Variants in RBPMS observed in about 807,000 individuals in gnomAD.
The protein encoded by RBPMS is RNA-binding protein with multiple splicing.
Under a neutral mutation model 26.8 loss-of-function variants are expected in RBPMS, and 7 were observed. That is an observed-to-expected ratio of 0.26 (90% CI 0.15 to 0.49). The LOEUF is 0.49. Among genes scored for constraint, RBPMS ranks in the 20% least tolerant of loss-of-function variants. RBPMS has a pLI of 0.98. For missense variants in RBPMS, 186 were observed against 250.0 expected (o/e 0.74, Z 1.73); for synonymous variants, 96 against 93.3 (o/e 1.03, Z -0.17).
At position 30,551,198 on chromosome 8, in the gene RBPMS, T is replaced by C. The variant is rs530398303; in HGVS notation, c.528+6574T>C. On this transcript the variant is annotated intron_variant, in intron 6 of 8. Coordinates refer to ENST00000397323, the MANE Select transcript of RBPMS (RefSeq NM_001008710.3). ...ATTTGCAGTGAGAGAGACATCAGCA[T>C]TTTGTCCTTCACCCTCTTTAGAAGC... Among the ~76,000 whole-genome samples, 6 of 152,312 alleles carry C rather than the reference T, an allele frequency of 3.9e-5. No homozygotes were observed. In the South Asian group the frequency reaches 1.2e-3, roughly 32 times the overall value.
chr8:30,560,109 C>T (rs1827323591), intron 7 of RBPMS, among the ~76,000 whole-genome samples: 1 of 152,146 alleles, frequency 6.6e-6, no homozygotes, highest in Non-Finnish European at 1.5e-5. Context: ...CAGTGCCTGT[C>T]AGTGAAGAAG....
At chr8:30,489,971 C>T (rs909714622) in intron 4 of RBPMS, among the ~76,000 whole-genome samples, 8 of 151,916 alleles carry the variant, frequency 5.3e-5, no homozygotes, top group South Asian at 2.1e-4. Flanking sequence ...CCACCACGCC[C>T]GGCTAATTTT....
chr8:30,544,846 AC>A, intron 6 of RBPMS: 27 of 1,522,022 alleles, frequency 1.8e-5, no homozygotes, highest in Non-Finnish European at 2.2e-5. Flanking sequence ...CCCAAATGAC[AC>A]CTCTCTCTTC....
At chr8:30,409,329 G>A (rs1809018635) in intron 1 of RBPMS, among the ~76,000 whole-genome samples, 1 of 152,050 alleles carries the variant, frequency 6.6e-6, no homozygotes, top group African/African-American at 2.4e-5. Context: ...AAGTAGCTGG[G>A]ATTACAGGTG....
At chr8:30,532,979 A>G (rs1824394344) in intron 5 of RBPMS, among the ~76,000 whole-genome samples, 1 of 152,236 alleles carries the variant, frequency 6.6e-6, no homozygotes, top group Non-Finnish European at 1.5e-5. Flanking sequence ...ATACTCAACC[A>G]GAGTTTGCCT....
Position 30,394,059 on chromosome 8 carries a change from G to A in RBPMS, c.66+8901G>A, listed in dbSNP as rs530010543. 1.3e-4 allele frequency among the ~76,000 whole-genome samples: 5 copies of A among 39,554 alleles called. No homozygotes were observed. The South Asian group carries it at 2.5e-3, about 20-fold the overall frequency. 25.9% of individuals were successfully genotyped at this position (39,554 alleles called of 152,430 possible). ...CCGAGAAGATGGATTCACATTCCAGGTTGTAATACAGTATTGTTACACAAA... is the reference window on the plus strand; with the variant it reads ...CCGAGAAGATGGATTCACATTCCAGATTGTAATACAGTATTGTTACACAAA... On this transcript the variant is annotated intron_variant, in intron 1 of 8. Transcript: ENST00000397323.
intron 1 of RBPMS, among the ~76,000 whole-genome samples, chr8:30,472,595 C>T (rs1817249057): frequency 6.6e-6 from 1 of 152,182 alleles, no homozygotes; most frequent in Non-Finnish European, 1.5e-5. Context: ...CTCAATAAAG[C>T]TGTTTATAAA....
chr8:30,434,227 A>G (rs1473001398), intron 1 of RBPMS, among the ~76,000 whole-genome samples: 1 of 152,172 alleles, frequency 6.6e-6, no homozygotes, highest in Admixed American at 6.5e-5. Flanking sequence ...TCTCTAAGCA[A>G]CCTTCAAACT....
At chr8:30,468,280 C>T (rs1398177082) in intron 1 of RBPMS, among the ~76,000 whole-genome samples, 1 of 152,070 alleles carries the variant, frequency 6.6e-6, no homozygotes, top group East Asian at 1.9e-4. Context: ...TTCCTGGTAA[C>T]CATATATTGA....
chr8:30,412,000 A>C (rs559680116), intron 1 of RBPMS, among the ~76,000 whole-genome samples: 2 of 141,412 alleles, frequency 1.4e-5, no homozygotes, highest in Non-Finnish European at 3.3e-5. Flanking sequence ...AAAAAAAAAA[A>C]ACAAAAACAA....
chr8:30,551,868 C>T (rs556371537), intron 6 of RBPMS, among the ~76,000 whole-genome samples: 69 of 152,320 alleles, frequency 4.5e-4, no homozygotes, highest in African/African-American at 1.6e-3. Flanking sequence ...GTTTCCTCAT[C>T]TATAAATGGG....
chr8:30,501,605 A>G (rs1469700915), intron 4 of RBPMS, among the ~76,000 whole-genome samples: 1 of 152,186 alleles, frequency 6.6e-6, no homozygotes, highest in Non-Finnish European at 1.5e-5. Context: ...ATTCAAATTA[A>G]TATACTAATA....
rs981563069 is a variant in RBPMS, at chr8:30,443,513, G to T, written c.67-31266G>T. Among the ~76,000 whole-genome samples, 5 of 152,128 alleles carry T rather than the reference G, an allele frequency of 3.3e-5. No individual in the cohort carries two copies. In the East Asian group the frequency reaches 9.6e-4, roughly 29 times the overall value. On this transcript the variant is annotated intron_variant, in intron 1 of 8. Coordinates refer to ENST00000397323, the MANE Select transcript of RBPMS (RefSeq NM_001008710.3). Reference sequence around the variant, plus strand: ...CCTATCTTGTAGGGTTGTGGTAGGGGGAATTGGGTAGATACAGGTTTACAG... The same window carrying T: ...CCTATCTTGTAGGGTTGTGGTAGGGTGAATTGGGTAGATACAGGTTTACAG...
At chr8:30,505,046 C>T (rs1820945869) in intron 5 of RBPMS, among the ~76,000 whole-genome samples, 1 of 152,232 alleles carries the variant, frequency 6.6e-6, no homozygotes, top group African/African-American at 2.4e-5. Context: ...AAGACGTCTT[C>T]TACCCCACAT....
chr8:30,477,688 G>T, intron 2 of RBPMS, 111 bp from the exon 3 acceptor site: 1 of 733,724 alleles, frequency 1.4e-6, no homozygotes, highest in Non-Finnish European at 2.4e-6. Flanking sequence ...AGATAACTTA[G>T]GAGACATTTG....
intron 1 of RBPMS, among the ~76,000 whole-genome samples, chr8:30,441,168 T>C (rs1813033793): frequency 6.6e-6 from 1 of 152,146 alleles, no homozygotes; most frequent in African/African-American, 2.4e-5. Context: ...ATATTAACCG[T>C]AATGATGAAA....
intron 7 of RBPMS, chr8:30,565,228 G>C (rs577521702): frequency 2.0e-5 from 3 of 152,226 alleles, no homozygotes; most frequent in Admixed American, 6.5e-5. Flanking sequence ...TCTGAGGAGA[G>C]AGATGTCCTA....
In RBPMS at chr8:30,412,952, G is replaced by A. The variant is rs185860575; in HGVS notation, c.66+27794G>A. ...TATCATAGGCCTTTTGAGCTGGAAGGTCACCCAAGAACCGTATTTGTTTAA... is the reference window on the plus strand; with the variant it reads ...TATCATAGGCCTTTTGAGCTGGAAGATCACCCAAGAACCGTATTTGTTTAA... On this transcript the variant is annotated intron_variant, in intron 1 of 8. Transcript: ENST00000397323. 7.2e-5 allele frequency among the ~76,000 whole-genome samples: 11 copies of A among 152,320 alleles called. No individual in the cohort carries two copies. In the East Asian group the frequency reaches 2.1e-3, roughly 29 times the overall value.
chr8:30,547,064 G>A (rs1025247654), intron 6 of RBPMS, among the ~76,000 whole-genome samples: 1 of 152,190 alleles, frequency 6.6e-6, no homozygotes, highest in Admixed American at 6.5e-5. Context: ...GAGACTTGGA[G>A]GCAAAGCAAA....
Sources: gnomAD v4.1 joint callset for allele counts (sites outside exome capture counted in the v4.1 genomes callset) on GRCh38, gnomAD v4.1.1 for gene constraint, MANE v1.5 for transcripts, NCBI Gene and HGNC (gene_info 2026-07-23, HGNC 2026-07-21) for gene names.